VWC2L: variants seen among roughly 807,000 people sequenced by gnomAD.
The protein encoded by VWC2L is von Willebrand factor C domain-containing protein 2-like.
VWC2L carries 10 observed loss-of-function variants against 21.6 expected under a neutral mutation model. That is an observed-to-expected ratio of 0.46 (90% CI 0.29 to 0.78). VWC2L has a LOEUF of 0.78. Ranked by LOEUF, VWC2L falls within the 30% of genes least tolerant of loss-of-function variation. The probability of loss-of-function intolerance (pLI) is 0.10; values close to 1 mark genes in which losing one functional copy is unlikely to be tolerated. For missense variants in VWC2L, 209 were observed against 277.1 expected, an observed-to-expected ratio of 0.75 and a Z score of 1.74; for synonymous variants, 96 against 94.3, an observed-to-expected ratio of 1.02 and a Z score of -0.10.
At chr2:214,548,530 G>A (rs1449422110) in intron 3 of VWC2L, among the ~76,000 whole-genome samples, 2 of 152,132 alleles carry the variant, frequency 1.3e-5, no homozygotes, top group East Asian at 3.9e-4. Context: ...CAAGTCCAGT[G>A]GATTGAGGTA....
At chr2:214,541,282 T>TG (rs1392275536) in intron 3 of VWC2L, among the ~76,000 whole-genome samples, 2 of 142,372 alleles carry the variant, frequency 1.4e-5, no homozygotes, top group African/African-American at 2.5e-5. Context: ...ACCACCCAAA[T>TG]GGAAAAAAAA....
chr2:214,572,544 C>T (rs901807914), intron 3 of VWC2L, among the ~76,000 whole-genome samples: 6 of 152,102 alleles, frequency 3.9e-5, no homozygotes, highest in African/African-American at 1.4e-4. Context: ...ACAAGGTAGA[C>T]AGTAGATAGA....
chr2:214,469,931 A>G (rs1412222822), intron 3 of VWC2L, among the ~76,000 whole-genome samples: 1 of 152,220 alleles, frequency 6.6e-6, no homozygotes, highest in Non-Finnish European at 1.5e-5. Context: ...TTCCCTATGT[A>G]TCAGCATTTT....
intron 2 of VWC2L, among the ~76,000 whole-genome samples, chr2:214,421,584 G>T (rs1348004239): frequency 2.0e-5 from 3 of 152,134 alleles, no homozygotes; most frequent in East Asian, 3.9e-4. Context: ...GCGTTGATTT[G>T]CAGCCACATC....
intron 3 of VWC2L, among the ~76,000 whole-genome samples, chr2:214,492,579 G>A (rs1688759939): frequency 1.3e-5 from 2 of 152,108 alleles, no homozygotes; most frequent in South Asian, 4.1e-4. Flanking sequence ...ATCTAGGATT[G>A]GTGAGGACGT....
chr2:214,451,916 T>C (rs1316253858), intron 3 of VWC2L, among the ~76,000 whole-genome samples: 2 of 152,224 alleles, frequency 1.3e-5, no homozygotes, highest in African/African-American at 4.8e-5. Context: ...AAATATTTCC[T>C]GTTCTGACAT....
chr2:214,487,858 T>C (rs1323265063), intron 3 of VWC2L, among the ~76,000 whole-genome samples: 2 of 152,176 alleles, frequency 1.3e-5, no homozygotes, highest in Non-Finnish European at 2.9e-5. Flanking sequence ...TGGGGCTTTA[T>C]TAGAATAGGT....
intron 2 of VWC2L, 191 bp downstream of exon 2, chr2:214,414,774 T>C (rs1218708421): frequency 9.4e-6 from 6 of 638,148 alleles, no homozygotes; most frequent in Non-Finnish European, 1.6e-5. Context: ...TCATATTTGT[T>C]AAGTTGCACA....
At chr2:214,466,366 T>C (rs972299827) in intron 3 of VWC2L, among the ~76,000 whole-genome samples, 7 of 152,184 alleles carry the variant, frequency 4.6e-5, no homozygotes, top group Non-Finnish European at 8.8e-5. Context: ...TTATCTTTGT[T>C]CCTATGAATG....
At chr2:214,459,986 C>T (rs927639277) in intron 3 of VWC2L, among the ~76,000 whole-genome samples, 11 of 140,392 alleles carry the variant, frequency 7.8e-5, no homozygotes, top group African/African-American at 3.0e-4. Flanking sequence ...CAGCTCACTG[C>T]AACGTCCGTC....
intron 3 of VWC2L, among the ~76,000 whole-genome samples, chr2:214,448,101 C>T (rs1305280922): frequency 6.6e-6 from 1 of 152,178 alleles, no homozygotes; most frequent in Non-Finnish European, 1.5e-5. Flanking sequence ...TTGTTCTCCA[C>T]CATACCTACT....
intron 3 of VWC2L, among the ~76,000 whole-genome samples, chr2:214,519,832 G>A (rs1689204175): frequency 6.6e-6 from 1 of 152,004 alleles, no homozygotes; most frequent in Admixed American, 6.6e-5. Flanking sequence ...ACCCAATGAT[G>A]CCTCTGCACC....
chr2:214,516,217 T>C (rs145762901), intron 3 of VWC2L, among the ~76,000 whole-genome samples: 154 of 152,048 alleles, frequency 1.0e-3, no homozygotes, highest in Non-Finnish European at 1.8e-3. Flanking sequence ...ACCCGCTGCA[T>C]AGACCTTGAT....
chr2:214,479,712 GGAGAATCGCTTGAATCCGCAGTGA>G (rs775370248), intron 3 of VWC2L, among the ~76,000 whole-genome samples: 2 of 152,198 alleles, frequency 1.3e-5, no homozygotes, highest in Non-Finnish European at 2.9e-5. Flanking sequence ...GGCTGAGGTA[GGAGAATCGCTTGAATCCGCAGTGA>G]GCTGAGATCG....
intron 3 of VWC2L, among the ~76,000 whole-genome samples, chr2:214,552,063 C>T (rs1689803515): frequency 6.6e-6 from 1 of 152,206 alleles, no homozygotes; most frequent in Admixed American, 6.5e-5. Flanking sequence ...TGATGTTGCT[C>T]ATTTCTAACA....
In VWC2L at chr2:214,565,264, ATATT is replaced by A. The variant is rs757148725; in HGVS notation, c.521-10405_521-10402del. On this transcript the variant is annotated intron_variant, in intron 3 of 3. Transcript: ENST00000312504. ...TCTACATAAATAGATTGAAAGATAG[ATATT>A]TAGATAAATATCTTTGCCTACTCTT... Among the ~76,000 whole-genome samples, 342 of 152,338 alleles carry A rather than the reference ATATT, an allele frequency of 2.2e-3. 1 individual carries two copies. Among genetic ancestry groups the A allele is most frequent in the Non-Finnish European group, 4.1e-3 (278 of 68,024 alleles).
At chr2:214,426,959 A>G (rs1291593396) in intron 2 of VWC2L, among the ~76,000 whole-genome samples, 3 of 152,224 alleles carry the variant, frequency 2.0e-5, no homozygotes, top group Non-Finnish European at 4.4e-5. Flanking sequence ...CACTGTCAAA[A>G]GAAGTATGCT....
intron 3 of VWC2L, among the ~76,000 whole-genome samples, chr2:214,536,440 T>C (rs1382213863): frequency 6.6e-6 from 1 of 152,076 alleles, no homozygotes; most frequent in African/African-American, 2.4e-5. Flanking sequence ...AGCTAGGAAA[T>C]TGACTACTGG....
intron 3 of VWC2L, among the ~76,000 whole-genome samples, chr2:214,536,503 T>C (rs992415721): frequency 1.3e-5 from 2 of 152,084 alleles, no homozygotes; most frequent in African/African-American, 2.4e-5. Context: ...CTACATCAAG[T>C]TGAATCTTAA....
Sources: gnomAD v4.1 joint callset for allele counts (sites outside exome capture counted in the v4.1 genomes callset) on GRCh38, gnomAD v4.1.1 for gene constraint, MANE v1.5 for transcripts, NCBI Gene and HGNC (gene_info 2026-07-23, HGNC 2026-07-21) for gene names.